Variants in TRAPPC11 observed in about 807,000 individuals in gnomAD.
The protein encoded by TRAPPC11 is foie gras homolog.
A neutral mutation model predicts 151.2 loss-of-function variants in TRAPPC11; 104 were observed. That is an observed-to-expected ratio of 0.69 (90% CI 0.59 to 0.81). The LOEUF is 0.81. TRAPPC11 is among the 30% of genes least tolerant of loss of function. The probability of loss-of-function intolerance (pLI) is 0.00; values close to 1 mark genes in which losing one functional copy is unlikely to be tolerated. For synonymous variants in TRAPPC11, 456 were observed against 472.3 expected, an observed-to-expected ratio of 0.97 and a Z score of 0.45; for missense variants, 1,230 against 1,349.6, an observed-to-expected ratio of 0.91 and a Z score of 1.39.
intron 2 of TRAPPC11, among the ~76,000 whole-genome samples, chr4:183,665,329 C>A (rs561686701): frequency 6.6e-6 from 1 of 151,994 alleles, no homozygotes; most frequent in East Asian, 1.9e-4. Context: ...CTCCTGACCT[C>A]GTGATCTGCC....
At chr4:183,708,119 C>A (rs1174047027) in intron 28 of TRAPPC11, among the ~76,000 whole-genome samples, 2 of 152,108 alleles carry the variant, frequency 1.3e-5, no homozygotes, top group African/African-American at 2.4e-5. Flanking sequence ...ATTCACCTGC[C>A]TTGAGTTCTC....
At chr4:183,680,378 GT>G in intron 10 of TRAPPC11, 111 bp downstream of exon 10, 1 of 1,218,918 alleles carries the variant, frequency 8.2e-7, no homozygotes, top group Non-Finnish European at 1.1e-6. Flanking sequence ...AATTTAATTA[GT>G]TTTTATTTTT....
chr4:183,698,485 G>A (rs2111080686), intron 25 of TRAPPC11, among the ~76,000 whole-genome samples: 1 of 152,118 alleles, frequency 6.6e-6, no homozygotes, highest in African/African-American at 2.4e-5. Context: ...GGAATAATGA[G>A]CTTTAGGGTC....
intron 19 of TRAPPC11, 43 bp downstream of exon 19, chr4:183,691,514 G>A (rs1238373234): frequency 5.9e-6 from 7 of 1,194,982 alleles, no homozygotes; most frequent in Non-Finnish European, 7.8e-6. Context: ...AATAATAAAA[G>A]TATGTTTATA....
In TRAPPC11 at chr4:183,682,788, C is replaced by G. The variant is rs1328121937; in HGVS notation, c.1170C>G (p.Asp390Glu). ...DPLETQTGVL[D>E]FYGQRSWRQG... Reference sequence around the variant, plus strand: ...TAGAAACACAAACAGGCGTTCTTGACTTTTATGGACAAAGATCATGGCGAC... The same window carrying G: ...TAGAAACACAAACAGGCGTTCTTGAGTTTTATGGACAAAGATCATGGCGAC... Residue 390 changes from aspartate (D) to glutamate (E), a missense_variant, in exon 11 of 30, where the codon GAC (aspartate) becomes GAG (glutamate). Coordinates refer to ENST00000334690, the MANE Select transcript of TRAPPC11 (RefSeq NM_021942.6). The G allele has an allele frequency of 1.5e-5, 24 of 1,613,666 alleles. No homozygotes were observed. Among genetic ancestry groups the G allele is most frequent in the Non-Finnish European group, 1.7e-5 (20 of 1,179,682 alleles).
intron 17 of TRAPPC11, 98 bp from the exon 18 acceptor site, chr4:183,686,520 C>A: frequency 1.4e-6 from 2 of 1,393,996 alleles, no homozygotes; most frequent in Non-Finnish European, 2.0e-6. Flanking sequence ...ATGGTCAGTG[C>A]AGATGTGTCT....
intron 11 of TRAPPC11, chr4:183,683,740 C>T (rs539762769): frequency 3.8e-6 from 2 of 520,320 alleles, no homozygotes; most frequent in East Asian, 3.3e-5. Context: ...CTTTTCAGAT[C>T]GTTGATTCCA....
At chr4:183,709,926 G>A (rs937405118) in intron 29 of TRAPPC11, among the ~76,000 whole-genome samples, 1 of 152,178 alleles carries the variant, frequency 6.6e-6, no homozygotes, top group African/African-American at 2.4e-5. Context: ...TGCAGGGGAC[G>A]AGTCTCATGA....
intron 16 of TRAPPC11, 47 bp downstream of exon 16, chr4:183,685,192 A>G (rs1198922377): frequency 6.2e-7 from 1 of 1,609,976 alleles, no homozygotes; most frequent in African/African-American, 1.3e-5. Context: ...GAATATGTGT[A>G]CTTATATCTA....
intron 5 of TRAPPC11, among the ~76,000 whole-genome samples, chr4:183,669,934 A>G (rs938612657): frequency 6.6e-6 from 1 of 152,264 alleles, no homozygotes; most frequent in African/African-American, 2.4e-5. Flanking sequence ...TAAGGAGTAC[A>G]TTGTCAAAAT....
At chr4:183,665,209 T>C (rs12054521) in intron 2 of TRAPPC11, among the ~76,000 whole-genome samples, 34,510 of 149,846 alleles carry the variant, frequency 0.23, 4,095 homozygotes, top group East Asian at 0.34. Context: ...ATTCTCCTGC[T>C]TCAGCCTCCC....
intron 8 of TRAPPC11, among the ~76,000 whole-genome samples, chr4:183,678,837 C>T (rs1735539583): frequency 6.6e-6 from 1 of 152,120 alleles, no homozygotes; most frequent in African/African-American, 2.4e-5. Context: ...TTTGTTTCTT[C>T]CTTTTTTCCT....
chr4:183,712,707 A>C lies in TRAPPC11; in HGVS notation c.*63A>C. The stretch of plus-strand genomic sequence containing the variant: ...TTGGGCAGAGCTATGCAGGTGTTTC[A>C]TTGTGAACTCTAGCTTTGATCATGG... On this transcript the variant is annotated 3_prime_UTR_variant, in exon 30 of 30. Transcript: ENST00000334690. 2 of 1,507,146 alleles carry C rather than the reference A, an allele frequency of 1.3e-6. No individual in the cohort carries two copies. The highest frequency in any genetic ancestry group is 1.8e-6 in the Non-Finnish European group (2 of 1,084,862). 93.4% of individuals were successfully genotyped at this position (1,507,146 alleles called of 1,614,324 possible). A position where few individuals can be genotyped will look rare whatever the true frequency, so the allele number is the denominator to read the frequency against.
intron 19 of TRAPPC11, among the ~76,000 whole-genome samples, chr4:183,692,433 G>T (rs1736301541): frequency 6.7e-6 from 1 of 148,738 alleles, no homozygotes; most frequent in African/African-American, 2.5e-5. Context: ...ATTTTTTCAT[G>T]GTACCTAAGG....
chr4:183,686,680 A>G lies in TRAPPC11; in HGVS notation c.1825A>G (p.Ile609Val), dbSNP rs981712089. 1.2e-6 allele frequency: 2 copies of G among 1,613,964 alleles called. No homozygotes were observed. The highest frequency in any genetic ancestry group is 1.3e-5 in the African/African-American group (1 of 74,910). The stretch of plus-strand genomic sequence containing the variant: ...TGTTGATGTTCCTGTTCAGTTTGAT[A>G]TTTATCTGAAGGCTGATTGTCCACA... The part of the protein sequence containing the change: ...FHVDVPVQFD[I>V]YLKADCPHPI... Residue 609 changes from isoleucine (I) to valine (V), a missense_variant, in exon 18 of 30, where the codon ATT becomes GTT. By Grantham distance (29) the Ile-to-Val change is conservative (BLOSUM62 3). Transcript: ENST00000334690.
chr4:183,660,021 T>G (rs1318799007), intron 1 of TRAPPC11, among the ~76,000 whole-genome samples: 1 of 152,232 alleles, frequency 6.6e-6, no homozygotes, highest in African/African-American at 2.4e-5. Flanking sequence ...TCCCATCCAT[T>G]ATTCACCTTC....
chr4:183,680,002 C>A lies in TRAPPC11; in HGVS notation c.966-118C>A, dbSNP rs961783842. 4.6e-5 allele frequency: 35 copies of A among 754,370 alleles called. No individual in the cohort carries two copies. In the African/African-American group the frequency reaches 6.0e-4, roughly 13 times the overall value. 46.7% of individuals were successfully genotyped at this position (754,370 alleles called of 1,614,324 possible). On this transcript the variant is annotated intron_variant, in intron 9 of 29. Coordinates refer to ENST00000334690, the MANE Select transcript of TRAPPC11 (RefSeq NM_021942.6). ...GAAATTAGAACAAATATTAACTGTT[C>A]ATCAATAGCACCATTTTAACACAGT... is the stretch of plus-strand genomic sequence containing the variant.
chr4:183,691,171 T>C (rs1257409835), intron 18 of TRAPPC11, 145 bp from the exon 19 acceptor site: 1 of 526,148 alleles, frequency 1.9e-6, no homozygotes. Flanking sequence ...AATGCCTCTA[T>C]TTGGCATAAA....
chr4:183,692,886 G>A (rs1174052446), intron 19 of TRAPPC11, 74 bp from the exon 20 acceptor site: 66 of 1,387,188 alleles, frequency 4.8e-5, no homozygotes, highest in Non-Finnish European at 9.8e-7. Flanking sequence ...AGTCGACGAT[G>A]TAATTTTGGT....
Sources: allele counts gnomAD v4.1 joint callset (sites outside exome capture counted in the v4.1 genomes callset), GRCh38; gene constraint gnomAD v4.1.1; transcripts MANE v1.5; gene names NCBI Gene and HGNC (gene_info 2026-07-23, HGNC 2026-07-21).